ITSN1: variants seen among roughly 807,000 people sequenced by gnomAD.
The protein encoded by ITSN1 is intersectin 1.
A neutral mutation model predicts 239.8 loss-of-function variants in ITSN1; 58 were observed. The observed-to-expected ratio is 0.24, with a 90% CI of 0.20 to 0.30. The LOEUF (loss-of-function observed/expected upper bound fraction) is 0.30, where lower values mean the gene tolerates loss of function less well. Among genes scored for constraint, ITSN1 ranks in the 10% least tolerant of loss-of-function variants. The probability of loss-of-function intolerance (pLI) is 1.00; values close to 1 mark genes in which losing one functional copy is unlikely to be tolerated. For missense variants in ITSN1, 1,558 were observed against 2,103.3 expected, an observed-to-expected ratio of 0.74 and a Z score of 5.07; for synonymous variants, 780 against 770.8, an observed-to-expected ratio of 1.01 and a Z score of -0.20.
chr21:33,754,119 ATAGT>A (rs1361051120), intron 7 of ITSN1: 4 of 152,174 alleles, frequency 2.6e-5, no homozygotes, highest in Non-Finnish European at 5.9e-5. Context: ...TAGCAACTAG[ATAGT>A]TAGCTTCTTG....
chr21:33,803,417 A>C (rs2072163500), intron 20 of ITSN1, among the ~76,000 whole-genome samples: 1 of 152,244 alleles, frequency 6.6e-6, no homozygotes, highest in Non-Finnish European at 1.5e-5. Flanking sequence ...GCAAATAAAC[A>C]GCCCAATGTC....
chr21:33,749,993 A>T, intron 5 of ITSN1, 150 bp from the exon 6 acceptor site: 1 of 710,708 alleles, frequency 1.4e-6, no homozygotes, highest in Non-Finnish European at 2.4e-6. Context: ...AATTTTTGTT[A>T]CTCTTTAAAA....
intron 4 of ITSN1, among the ~76,000 whole-genome samples, chr21:33,733,105 G>C (rs544529466): frequency 3.3e-5 from 5 of 152,010 alleles, no homozygotes; most frequent in Non-Finnish European, 5.9e-5. Flanking sequence ...AGACACCCAT[G>C]AATAACCAAG....
chr21:33,773,250 C>T (rs1322195786), intron 12 of ITSN1, among the ~76,000 whole-genome samples: 1 of 152,034 alleles, frequency 6.6e-6, no homozygotes, highest in Non-Finnish European at 1.5e-5. Flanking sequence ...TCGGGTGATC[C>T]ACCCGCCTCA....
chr21:33,665,197 A>C (rs2089848306), intron 1 of ITSN1, among the ~76,000 whole-genome samples: 1 of 152,142 alleles, frequency 6.6e-6, no homozygotes, highest in African/African-American at 2.4e-5. Flanking sequence ...TGGGAGGTGG[A>C]GGTTGCAGTG....
In ITSN1 at chr21:33,645,195, G is replaced by C. The variant is rs79347747; in HGVS notation, c.-33+2482G>C. 2.5e-3 allele frequency among the ~76,000 whole-genome samples: 386 copies of C among 152,294 alleles called. 2 individuals carry two copies. The highest frequency in any genetic ancestry group is 8.7e-3 in the African/African-American group (362 of 41,566). ...GAGTTGTAGAGAATTGATGACACGA[G>C]AGTTGGGATTATATTATGCACCTCA... On this transcript the variant is annotated intron_variant, in intron 1 of 39. Coordinates refer to ENST00000381318, the MANE Select transcript of ITSN1 (RefSeq NM_003024.3).
intron 20 of ITSN1, among the ~76,000 whole-genome samples, chr21:33,809,365 T>A (rs1003157707): frequency 6.6e-6 from 1 of 152,290 alleles, no homozygotes; most frequent in African/African-American, 2.4e-5. Context: ...CAAGCAGGCA[T>A]CCCCTACTTG....
chr21:33,841,313 A>T (rs958789541), intron 29 of ITSN1, among the ~76,000 whole-genome samples: 1 of 152,200 alleles, frequency 6.6e-6, no homozygotes, highest in Non-Finnish European at 1.5e-5. Flanking sequence ...GAAATTGTCA[A>T]TTCTTACCTA....
intron 16 of ITSN1, among the ~76,000 whole-genome samples, chr21:33,790,151 C>T (rs2147976021): frequency 6.6e-6 from 1 of 152,006 alleles, no homozygotes; most frequent in South Asian, 2.1e-4. Context: ...GCCCATATAC[C>T]CCAAGTCTGC....
chr21:33,884,207 G>A (rs1461330269), intron 36 of ITSN1, among the ~76,000 whole-genome samples: 1 of 151,964 alleles, frequency 6.6e-6, no homozygotes, highest in Admixed American at 6.5e-5. Context: ...ACTGCACCTG[G>A]CATTGTTGTT....
intron 1 of ITSN1, among the ~76,000 whole-genome samples, chr21:33,711,592 A>G (rs1297147807): frequency 8.2e-6 from 1 of 122,380 alleles, no homozygotes; most frequent in Non-Finnish European, 1.8e-5. Context: ...ACATCTTTGG[A>G]TTTTTAACAT....
chr21:33,847,340 G>A (rs563049418), intron 29 of ITSN1, among the ~76,000 whole-genome samples: 8 of 152,264 alleles, frequency 5.3e-5, no homozygotes, highest in East Asian at 1.9e-4. Context: ...CCAGCCCTGC[G>A]CTCCAAGGAC....
At chr21:33,833,929 T>TGG (rs2074451206) in intron 27 of ITSN1, among the ~76,000 whole-genome samples, 1 of 151,598 alleles carries the variant, frequency 6.6e-6, no homozygotes, top group African/African-American at 2.4e-5. Flanking sequence ...ATTATTATTA[T>TGG]TATTATTATT....
chr21:33,862,797 G>A (rs1364535796), intron 31 of ITSN1, among the ~76,000 whole-genome samples: 1 of 152,196 alleles, frequency 6.6e-6, no homozygotes, highest in Non-Finnish European at 1.5e-5. Flanking sequence ...CTGCATGCCT[G>A]AGTTTCCCCA....
At chr21:33,832,000 G>T (rs182007137) in intron 27 of ITSN1, among the ~76,000 whole-genome samples, 3 of 152,214 alleles carry the variant, frequency 2.0e-5, no homozygotes, top group Admixed American at 2.0e-4. Context: ...TCATGCCCCT[G>T]TCCTGTTCTG....
chr21:33,889,983 A>T lies in ITSN1; in HGVS notation c.*1683A>T, dbSNP rs369593001. Reference sequence around the variant, plus strand: ...GAATTTTGTATCAAGAACAACAGACATAAGTATTTTTTGAAACAAGCAAAT... The same window carrying T: ...GAATTTTGTATCAAGAACAACAGACTTAAGTATTTTTTGAAACAAGCAAAT... On this transcript the variant is annotated 3_prime_UTR_variant, in exon 40 of 40. Transcript: ENST00000381318. 1 of 152,254 alleles carries T rather than the reference A, an allele frequency of 6.6e-6. No individual in the cohort carries two copies. Among genetic ancestry groups the T allele is most frequent in the African/African-American group, 2.4e-5 (1 of 41,466 alleles). 9.4% of individuals were successfully genotyped at this position (152,254 alleles called of 1,614,324 possible). A position where few individuals can be genotyped will look rare whatever the true frequency, so the allele number is the denominator to read the frequency against.
At chr21:33,864,577 C>T (rs558250746) in intron 31 of ITSN1, among the ~76,000 whole-genome samples, 94 of 152,228 alleles carry the variant, frequency 6.2e-4, no homozygotes, top group Middle Eastern at 3.4e-3. Context: ...ACCTCTTTTC[C>T]GAACTCCTCT....
chr21:33,789,365 A>G (rs1200095231), intron 16 of ITSN1, among the ~76,000 whole-genome samples: 1 of 152,164 alleles, frequency 6.6e-6, no homozygotes, highest in Non-Finnish European at 1.5e-5. Flanking sequence ...TAACAGTATG[A>G]AGATTATTAT....
At chr21:33,840,383 TG>T (rs2074780918) in intron 29 of ITSN1, among the ~76,000 whole-genome samples, 1 of 151,286 alleles carries the variant, frequency 6.6e-6, no homozygotes. Context: ...TTTTTTTTTT[TG>T]AGACAGTCTT....
Sources: allele counts gnomAD v4.1 joint callset (sites outside exome capture counted in the v4.1 genomes callset), GRCh38; gene constraint gnomAD v4.1.1; transcripts MANE v1.5; gene names NCBI Gene and HGNC (gene_info 2026-07-23, HGNC 2026-07-21).